TRPM3: variants seen among roughly 807,000 people sequenced by gnomAD.
TRPM3 encodes long transient receptor potential channel 3.
A neutral mutation model predicts 181.2 loss-of-function variants in TRPM3; 77 were observed. The ratio of observed to expected loss-of-function variants is 0.42; its 90% CI spans 0.35 to 0.51. The LOEUF (loss-of-function observed/expected upper bound fraction) is 0.51. Ranked by LOEUF, TRPM3 falls within the 20% of genes least tolerant of loss-of-function variation. The pLI is 0.01. For missense variants in TRPM3, 1,759 were observed against 2,196.7 expected, an observed-to-expected ratio of 0.80 and a Z score of 3.98; for synonymous variants, 745 against 796.4, an observed-to-expected ratio of 0.94 and a Z score of 1.09.
At chr9:71,004,337 C>T (rs2097650401) in intron 1 of TRPM3, among the ~76,000 whole-genome samples, 1 of 152,246 alleles carries the variant, frequency 6.6e-6, no homozygotes, top group African/African-American at 2.4e-5. Context: ...TAACTTAAGT[C>T]TTTCTCAGAC....
chr9:70,977,117 A>G (rs1488873814), intron 1 of TRPM3, among the ~76,000 whole-genome samples: 1 of 152,160 alleles, frequency 6.6e-6, no homozygotes, highest in Non-Finnish European at 1.5e-5. Flanking sequence ...GGGGTGCATC[A>G]GTCTGAACTG....
At chr9:71,426,308 T>A (rs966604204) in intron 1 of TRPM3, among the ~76,000 whole-genome samples, 1 of 151,232 alleles carries the variant, frequency 6.6e-6, no homozygotes, top group East Asian at 1.9e-4. Context: ...TAATTTAGGG[T>A]TTTTTGAGGT....
At chr9:70,861,954 G>C (rs903655108) in intron 3 of TRPM3, among the ~76,000 whole-genome samples, 4 of 151,900 alleles carry the variant, frequency 2.6e-5, no homozygotes, top group Non-Finnish European at 5.9e-5. Flanking sequence ...GGCAGGGAAA[G>C]GGGAAGAGGA....
rs543792408 is a variant in TRPM3, at chr9:70,964,498, G to T, written c.178-99987C>A. ...TCTGTTTCATTTCCCTAGATAACTGGTTGGGACAGCAAGCATTCACTGAGA... is the reference window on the plus strand; with the variant it reads ...TCTGTTTCATTTCCCTAGATAACTGTTTGGGACAGCAAGCATTCACTGAGA... On this transcript the variant is annotated intron_variant, in intron 1 of 25. Coordinates refer to ENST00000677713, the MANE Select transcript of TRPM3 (RefSeq NM_001366145.2). 3.9e-5 allele frequency among the ~76,000 whole-genome samples: 6 copies of T among 152,138 alleles called. No homozygotes were observed. The South Asian group carries it at 1.2e-3, about 32-fold the overall frequency.
At position 71,360,236 on chromosome 9, in the gene TRPM3, C is replaced by A. The variant is rs193268209; in HGVS notation, c.183+86417G>T. On this transcript the variant is annotated intron_variant, in intron 1 of 24. Coordinates refer to the TRPM3 transcript ENST00000357533. ...TAGTAGCCAATGTCCTAGCCCAAGACTCAGGAGTCAGGAGTCCAGTTCTAA... is the reference window on the plus strand; with the variant it reads ...TAGTAGCCAATGTCCTAGCCCAAGAATCAGGAGTCAGGAGTCCAGTTCTAA... Among the ~76,000 whole-genome samples the A allele has an allele frequency of 4.1e-4, 62 of 152,258 alleles. 1 individual carries two copies. The highest frequency in any genetic ancestry group is 1.4e-3 in the African/African-American group (59 of 41,552).
intron 1 of TRPM3, among the ~76,000 whole-genome samples, chr9:71,059,037 T>TTC (rs1759185218): frequency 6.9e-6 from 1 of 144,758 alleles, no homozygotes; most frequent in Non-Finnish European, 1.5e-5. Context: ...TTTTTTTTTT[T>TTC]TTTTACCAGT....
chr9:71,246,973 T>TA (rs1477264172), intron 1 of TRPM3, among the ~76,000 whole-genome samples: 1 of 152,152 alleles, frequency 6.6e-6, no homozygotes, highest in African/African-American at 2.4e-5. Flanking sequence ...CCCAGACTGT[T>TA]AAAGTGCTAG....
chr9:70,831,962 A>ATATAT (rs2093929365), intron 5 of TRPM3, among the ~76,000 whole-genome samples: 1 of 64,252 alleles, frequency 1.6e-5, no homozygotes, highest in Non-Finnish European at 2.8e-5. Flanking sequence ...GTACCCCATA[A>ATATAT]ATATATATAT....
chr9:70,917,416 C>T, intron 1 of TRPM3: 2 of 835,516 alleles, frequency 2.4e-6, no homozygotes, highest in Non-Finnish European at 4.2e-6. Context: ...CCACCTCCAC[C>T]TGCTCAGAAA....
chr9:71,100,088 A>C (rs192272085), intron 1 of TRPM3, among the ~76,000 whole-genome samples: 2 of 152,122 alleles, frequency 1.3e-5, no homozygotes, highest in African/African-American at 4.8e-5. Flanking sequence ...CAAGGGATAG[A>C]TATATTTCTG....
intron 1 of TRPM3, among the ~76,000 whole-genome samples, chr9:70,942,636 A>T (rs905205703): frequency 2.0e-5 from 3 of 152,138 alleles, no homozygotes; most frequent in Non-Finnish European, 4.4e-5. Context: ...CGTGCCTTTT[A>T]TCTCCACTAG....
At chr9:70,802,557 T>C (rs1438253191) in intron 6 of TRPM3, among the ~76,000 whole-genome samples, 1 of 152,246 alleles carries the variant, frequency 6.6e-6, no homozygotes, top group Non-Finnish European at 1.5e-5. Flanking sequence ...TAAGTCTGAG[T>C]GTGCCTGTGA....
At position 71,260,778 on chromosome 9, in the gene TRPM3, G is replaced by C. The variant is rs565408133; in HGVS notation, c.183+185875C>G. On this transcript the variant is annotated intron_variant, in intron 1 of 24. Coordinates refer to the TRPM3 transcript ENST00000357533. ...TTGCTTATCAACTTAAGGCGTTTTG[G>C]GGCTAAGATGATCAGGTTTTCTAAA... is the stretch of plus-strand genomic sequence containing the variant. Among the ~76,000 whole-genome samples the C allele has an allele frequency of 4.6e-5, 7 of 152,234 alleles. No individual in the cohort carries two copies. The East Asian group carries it at 1.4e-3, about 29-fold the overall frequency.
intron 1 of TRPM3, among the ~76,000 whole-genome samples, chr9:71,342,660 T>C (rs527702758): frequency 2.6e-5 from 4 of 152,108 alleles, no homozygotes; most frequent in Non-Finnish European, 5.9e-5. Context: ...ATGCAGCAGT[T>C]TTTACAAAAG....
At chr9:71,015,656 A>G (rs1398661445) in intron 1 of TRPM3, among the ~76,000 whole-genome samples, 1 of 152,184 alleles carries the variant, frequency 6.6e-6, no homozygotes, top group Non-Finnish European at 1.5e-5. Context: ...TTTGAATTTT[A>G]TTAATTGGGT....
At chr9:70,968,444 A>G (rs1370565284) in intron 1 of TRPM3, among the ~76,000 whole-genome samples, 1 of 152,116 alleles carries the variant, frequency 6.6e-6, no homozygotes, top group Non-Finnish European at 1.5e-5. Flanking sequence ...TTCTCAGTTC[A>G]TATCTGTCCC....
intron 1 of TRPM3, among the ~76,000 whole-genome samples, chr9:71,342,204 C>A (rs557528635): frequency 1.4e-5 from 2 of 144,376 alleles, no homozygotes; most frequent in East Asian, 4.1e-4. Context: ...ATTTGGAATG[C>A]CAAATGTGCC....
intron 1 of TRPM3, among the ~76,000 whole-genome samples, chr9:71,134,689 C>G (rs745614749): frequency 5.9e-5 from 9 of 152,184 alleles, no homozygotes; most frequent in Non-Finnish European, 1.2e-4. Flanking sequence ...GCAGTGATCT[C>G]TGCCACAAAG....
chr9:70,600,675 T>C (rs1262983842), intron 20 of TRPM3, among the ~76,000 whole-genome samples: 1 of 152,144 alleles, frequency 6.6e-6, no homozygotes, highest in South Asian at 2.1e-4. Context: ...GGCCACAGTT[T>C]GAGAACCACT....
Sources: allele counts gnomAD v4.1 joint callset (sites outside exome capture counted in the v4.1 genomes callset), GRCh38; gene constraint gnomAD v4.1.1; transcripts MANE v1.5; gene names NCBI Gene and HGNC (gene_info 2026-07-23, HGNC 2026-07-21).